Variants in RTP2 observed in about 807,000 individuals in gnomAD.
RTP2 encodes the protein receptor transporter protein 2, also known as receptor-transporting protein 2.
A neutral mutation model predicts 17.9 loss-of-function variants in RTP2; 12 were observed. That is an observed-to-expected ratio of 0.67 (90% CI 0.43 to 1.09). The LOEUF (loss-of-function observed/expected upper bound fraction) is 1.09, where lower values mean the gene tolerates loss of function less well. RTP2 is among the 50% of genes least tolerant of loss of function. The pLI is 0.00. For synonymous variants in RTP2, 126 were observed against 117.7 expected (o/e 1.07, Z -0.46); for missense variants, 327 against 295.7 (o/e 1.11, Z -0.78).
At chr3:187,706,321 TTTGAGCTTTC>T (rs923352863), upstream of RTP2, among the ~76,000 whole-genome samples, 48 of 152,220 alleles carry the variant, frequency 3.2e-4, no homozygotes, top group African/African-American at 1.0e-3. Context: ...TCTCAGTAAA[TTTGAGCTTTC>T]TTGATATATG....
upstream of RTP2, among the ~76,000 whole-genome samples, chr3:187,707,439 C>A (rs1304172971): frequency 2.0e-5 from 3 of 151,972 alleles, no homozygotes; most frequent in Non-Finnish European, 2.9e-5. Flanking sequence ...GTGAATAAAC[C>A]CTTACAGGAT....
the RTP2 span, among the ~76,000 whole-genome samples, chr3:187,708,540 G>A: frequency 2.0e-5 from 3 of 152,328 alleles, no homozygotes; most frequent in African/African-American, 7.2e-5. Flanking sequence ...ATTCTATCCA[G>A]AGAATTTGTA....
At chr3:187,707,911 C>T in the RTP2 span, among the ~76,000 whole-genome samples, 1 of 152,116 alleles carries the variant, frequency 6.6e-6, no homozygotes, top group African/African-American at 2.4e-5. Context: ...ACTCCATTAA[C>T]CAAAAGTGTT....
the RTP2 span, among the ~76,000 whole-genome samples, chr3:187,711,962 C>A: frequency 6.6e-6 from 1 of 152,036 alleles, no homozygotes; most frequent in East Asian, 1.9e-4. Flanking sequence ...AACAGATCAG[C>A]GGTTGCCAGA....
upstream of RTP2, among the ~76,000 whole-genome samples, chr3:187,704,347 C>T (rs758861460): frequency 6.6e-6 from 1 of 152,212 alleles, no homozygotes; most frequent in Middle Eastern, 3.4e-3. Context: ...CTTAAAATGA[C>T]AAAGTAATGA....
chr3:187,704,818 G>A (rs941254292), upstream of RTP2, among the ~76,000 whole-genome samples: 2 of 152,184 alleles, frequency 1.3e-5, no homozygotes, highest in African/African-American at 4.8e-5. Flanking sequence ...TTGGGTGGGA[G>A]CTGACCTCTG....
exon 1 of RTP2, chr3:187,702,504 A>G (rs1439910265): frequency 4.3e-6 from 2 of 465,698 alleles, no homozygotes; most frequent in South Asian, 1.5e-5. Context: ...GCTTCACCCA[A>G]CTGCTCTTCT....
exon 1 of RTP2, chr3:187,702,368 A>G: frequency 1.8e-6 from 1 of 563,336 alleles, no homozygotes; most frequent in Non-Finnish European, 3.3e-6. Context: ...CAGGGCCCTG[A>G]GTTAGGCTTC....
upstream of RTP2, among the ~76,000 whole-genome samples, chr3:187,707,393 G>T (rs888841864): frequency 6.6e-6 from 1 of 152,156 alleles, no homozygotes; most frequent in South Asian, 2.1e-4. Flanking sequence ...ACAGCAGGTA[G>T]GGAAGTCAAT....
At chr3:187,706,110 C>G (rs1006253091), upstream of RTP2, among the ~76,000 whole-genome samples, 18 of 152,116 alleles carry the variant, frequency 1.2e-4, no homozygotes, top group African/African-American at 3.9e-4. Context: ...ATTTATTTCC[C>G]CAGTTGTCAA....
At chr3:187,701,989 T>G in exon 1 of RTP2, 1 of 1,609,240 alleles carries the variant, frequency 6.2e-7, no homozygotes, top group African/African-American at 1.3e-5. Flanking sequence ...CTGCTCCAGG[T>G]ACTGCTTCCA....
At chr3:187,705,576 G>A (rs1459514101), upstream of RTP2, among the ~76,000 whole-genome samples, 1 of 152,142 alleles carries the variant, frequency 6.6e-6, no homozygotes, top group Non-Finnish European at 1.5e-5. Flanking sequence ...ATTCACATAA[G>A]GAAAGGACCC....
intron 1 of RTP2, among the ~76,000 whole-genome samples, chr3:187,699,911 C>T (rs578059351): frequency 1.7e-4 from 26 of 152,230 alleles, no homozygotes; most frequent in Admixed American, 3.3e-4. Context: ...CCACTCACTC[C>T]GCCCCCACCA....
the RTP2 span, among the ~76,000 whole-genome samples, chr3:187,713,900 C>T: frequency 6.6e-6 from 1 of 152,174 alleles, no homozygotes; most frequent in Admixed American, 6.5e-5. Flanking sequence ...GCCTTAGGTT[C>T]TCTGTCTCCA....
the RTP2 span, among the ~76,000 whole-genome samples, chr3:187,708,319 A>T: frequency 6.6e-6 from 1 of 152,232 alleles, no homozygotes; most frequent in African/African-American, 2.4e-5. Flanking sequence ...AGGAGTTTGA[A>T]AACAATTTAC....
At chr3:187,702,852 C>A (rs1460683302), upstream of RTP2, among the ~76,000 whole-genome samples, 1 of 152,208 alleles carries the variant, frequency 6.6e-6, no homozygotes, top group Non-Finnish European at 1.5e-5. Context: ...AATCTTAGAC[C>A]AGTTGGTGAG....
intron 1 of RTP2, among the ~76,000 whole-genome samples, chr3:187,701,387 A>G (rs1717842429): frequency 6.6e-6 from 1 of 152,244 alleles, no homozygotes; most frequent in African/African-American, 2.4e-5. Context: ...GCTAGAGTGG[A>G]TTGGATCTAT....
At chr3:187,699,662 T>A (rs897401549) in intron 1 of RTP2, among the ~76,000 whole-genome samples, 2 of 151,636 alleles carry the variant, frequency 1.3e-5, no homozygotes, top group Non-Finnish European at 2.9e-5. Context: ...TTGACAAGTC[T>A]TCTCTAGATC....
chr3:187,714,687 C>T, the RTP2 span, among the ~76,000 whole-genome samples: 3 of 152,152 alleles, frequency 2.0e-5, no homozygotes, highest in African/African-American at 7.2e-5. Flanking sequence ...TGCTCCGTCA[C>T]TCAACAAACC....
Sources: gnomAD v4.1 joint callset for allele counts (sites outside exome capture counted in the v4.1 genomes callset) on GRCh38, gnomAD v4.1.1 for gene constraint, MANE v1.5 for transcripts, NCBI Gene and HGNC (gene_info 2026-07-23, HGNC 2026-07-21) for gene names.